Variants in ADAMTS19 observed in about 807,000 individuals in gnomAD.
ADAMTS19 encodes ADAM metallopeptidase with thrombospondin type 1 motif 19.
In ADAMTS19, 93 loss-of-function variants were observed where a neutral mutation model predicts 153.3. The observed-to-expected ratio is 0.61, with a 90% confidence interval of 0.51 to 0.72. The LOEUF is 0.72. Ranked by LOEUF, ADAMTS19 falls within the 30% of genes least tolerant of loss-of-function variation. The pLI, the probability that ADAMTS19 is intolerant of heterozygous loss-of-function variation, is 0.00. For synonymous variants in ADAMTS19, 600 were observed against 556.6 expected, an observed-to-expected ratio of 1.08 and a Z score of -1.10; for missense variants, 1,482 against 1,552.1, an observed-to-expected ratio of 0.95 and a Z score of 0.76.
chr5:129,654,289 A>G lies in ADAMTS19; in HGVS notation c.2177-17A>G. ...GGGTAACTTTTTCTCATTTCTTTTT[A>G]TCTACTCTGTATGTAGAAAAACCAT... is the stretch of plus-strand genomic sequence containing the variant. On this transcript the variant is annotated splice_polypyrimidine_tract_variant and intron_variant, in intron 13 of 22. Coordinates refer to ENST00000274487, the MANE Select transcript of ADAMTS19 (RefSeq NM_133638.6). The G allele has an allele frequency of 6.4e-7, 1 of 1,572,530 alleles. No homozygotes were observed.
chr5:129,706,620 CTA>C (rs921452085), intron 21 of ADAMTS19, among the ~76,000 whole-genome samples: 2 of 150,456 alleles, frequency 1.3e-5, no homozygotes, highest in African/African-American at 4.9e-5. Context: ...CTCCAACTAA[CTA>C]TAAAATACAG....
At chr5:129,463,004 C>T (rs891619432) in intron 2 of ADAMTS19, among the ~76,000 whole-genome samples, 1 of 152,082 alleles carries the variant, frequency 6.6e-6, no homozygotes, top group African/African-American at 2.4e-5. Flanking sequence ...TTGGACAGTA[C>T]TCATAATGAT....
intron 14 of ADAMTS19, among the ~76,000 whole-genome samples, chr5:129,657,210 G>A (rs1581193961): frequency 6.6e-6 from 1 of 152,292 alleles, no homozygotes; most frequent in East Asian, 1.9e-4. Context: ...AGGAAGGAAT[G>A]CTGTATTGTG....
At chr5:129,588,698 AAATATT>A (rs1375323887) in intron 7 of ADAMTS19, among the ~76,000 whole-genome samples, 1 of 151,674 alleles carries the variant, frequency 6.6e-6, no homozygotes, top group African/African-American at 2.4e-5. Flanking sequence ...ATATTTTGTA[AAATATT>A]AATATTGTGA....
intron 19 of ADAMTS19, among the ~76,000 whole-genome samples, chr5:129,695,565 T>C (rs548511267): frequency 6.6e-6 from 1 of 152,272 alleles, no homozygotes; most frequent in African/African-American, 2.4e-5. Flanking sequence ...GGAACCTGAG[T>C]ATAATTTTGG....
At chr5:129,676,380 T>C (rs1754552954) in intron 16 of ADAMTS19, among the ~76,000 whole-genome samples, 3 of 152,184 alleles carry the variant, frequency 2.0e-5, no homozygotes, top group Non-Finnish European at 2.9e-5. Flanking sequence ...TTCTTATATG[T>C]AGCCTTTTTT....
intron 7 of ADAMTS19, among the ~76,000 whole-genome samples, chr5:129,590,419 A>G (rs1385363122): frequency 3.9e-5 from 6 of 152,324 alleles, no homozygotes; most frequent in South Asian, 2.1e-4. Flanking sequence ...TGCATAAACA[A>G]CACTTTAATA....
chr5:129,585,526 C>A (rs999207937), intron 7 of ADAMTS19, among the ~76,000 whole-genome samples: 1 of 151,972 alleles, frequency 6.6e-6, no homozygotes, highest in Non-Finnish European at 1.5e-5. Context: ...TGTACTATAT[C>A]CCTACTACAT....
chr5:129,613,775 T>G (rs930392546), intron 8 of ADAMTS19, among the ~76,000 whole-genome samples: 2 of 151,798 alleles, frequency 1.3e-5, no homozygotes, highest in Middle Eastern at 3.2e-3. Flanking sequence ...TCAACAAAAT[T>G]GATAGACTGC....
intron 21 of ADAMTS19, among the ~76,000 whole-genome samples, chr5:129,710,557 A>G (rs558352481): frequency 6.6e-6 from 1 of 152,354 alleles, no homozygotes; most frequent in South Asian, 2.1e-4. Context: ...ATCTCACACC[A>G]GTCAGGATGG....
At chr5:129,548,088 G>T (rs1251832837) in intron 6 of ADAMTS19, among the ~76,000 whole-genome samples, 1 of 150,526 alleles carries the variant, frequency 6.6e-6, no homozygotes, top group African/African-American at 2.5e-5. Flanking sequence ...GAAAACCTAG[G>T]CAATACCATT....
chr5:129,603,715 C>T (rs911060160), intron 8 of ADAMTS19, among the ~76,000 whole-genome samples: 1 of 152,168 alleles, frequency 6.6e-6, no homozygotes, highest in Non-Finnish European at 1.5e-5. Flanking sequence ...GAATTTTGCA[C>T]TGGCTTAGCA....
intron 21 of ADAMTS19, among the ~76,000 whole-genome samples, chr5:129,720,997 T>C (rs1756984340): frequency 6.6e-6 from 1 of 152,240 alleles, no homozygotes; most frequent in Admixed American, 6.5e-5. Context: ...CAAGTTGTAC[T>C]ATGTATAAGC....
In ADAMTS19 at chr5:129,491,616, CT is replaced by C. The variant is rs376075890; in HGVS notation, c.748-17459del. On this transcript the variant is annotated intron_variant, in intron 2 of 22. Transcript: ENST00000274487. ...CTTTGTTATATATTGTACATATTTT[CT>C]TCCTGTCTGCCAAATTTATGACTGT... Among the ~76,000 whole-genome samples, 438 of 152,172 alleles carry C rather than the reference CT, an allele frequency of 2.9e-3. 3 individuals carry two copies. Among genetic ancestry groups the C allele is most frequent in the African/African-American group, 9.9e-3 (410 of 41,518 alleles).
chr5:129,647,621 A>C, intron 11 of ADAMTS19, 144 bp from the exon 12 acceptor site: 1 of 896,618 alleles, frequency 1.1e-6, no homozygotes, highest in African/African-American at 1.7e-5. Flanking sequence ...AACAAGTGCC[A>C]ACTTATTTTT....
chr5:129,506,891 T>A (rs1751283806), intron 2 of ADAMTS19, among the ~76,000 whole-genome samples: 1 of 151,908 alleles, frequency 6.6e-6, no homozygotes, highest in South Asian at 2.1e-4. Context: ...TGTGTATTTT[T>A]AAAATATATA....
At chr5:129,646,664 G>GT (rs1429662729) in intron 11 of ADAMTS19, among the ~76,000 whole-genome samples, 3 of 151,972 alleles carry the variant, frequency 2.0e-5, no homozygotes, top group Admixed American at 2.0e-4. Flanking sequence ...AAACTGTTAG[G>GT]TAACTATGAT....
chr5:129,640,445 T>A (rs1752741356), intron 10 of ADAMTS19, among the ~76,000 whole-genome samples: 1 of 152,322 alleles, frequency 6.6e-6, no homozygotes, highest in African/African-American at 2.4e-5. Context: ...ATATATCTAA[T>A]AGATTTGGGT....
At chr5:129,568,681 G>A (rs914631497) in intron 7 of ADAMTS19, among the ~76,000 whole-genome samples, 1 of 151,962 alleles carries the variant, frequency 6.6e-6, no homozygotes, top group Non-Finnish European at 1.5e-5. Flanking sequence ...AATTAGCCAG[G>A]CATGGTATTG....
Sources: gnomAD v4.1 joint callset for allele counts (sites outside exome capture counted in the v4.1 genomes callset) on GRCh38, gnomAD v4.1.1 for gene constraint, MANE v1.5 for transcripts, NCBI Gene and HGNC (gene_info 2026-07-23, HGNC 2026-07-21) for gene names.